Variants in ADORA2B observed in about 807,000 individuals in gnomAD.
The protein encoded by ADORA2B is adenosine A2b receptor, also known as adenosine receptor A2b.
In ADORA2B, 18 loss-of-function variants were observed where a neutral mutation model predicts 20.8. The ratio of observed to expected loss-of-function variants is 0.87; its 90% CI spans 0.60 to 1.29. The LOEUF (loss-of-function observed/expected upper bound fraction) is 1.29. Ranked by LOEUF, ADORA2B falls within the 50% of genes most tolerant of loss-of-function variation. The pLI is 0.00. For synonymous variants in ADORA2B, 179 were observed against 178.3 expected (o/e 1.00, Z -0.03); for missense variants, 441 against 422.7 (o/e 1.04, Z -0.38).
the ADORA2B span, among the ~76,000 whole-genome samples, chr17:15,898,326 C>T: frequency 6.6e-6 from 1 of 151,836 alleles, no homozygotes; most frequent in Non-Finnish European, 1.5e-5. Context: ...TGGCGTTTTG[C>T]TTTTCTGCCC....
At chr17:15,938,189 G>GAAGGAAGGAAGGAAGGAAGTTAGA in the ADORA2B span, among the ~76,000 whole-genome samples, 1 of 151,456 alleles carries the variant, frequency 6.6e-6, no homozygotes, top group Non-Finnish European at 1.5e-5. Flanking sequence ...AGAAAAAAAA[G>GAAGGAAGGAAGGAAGGAAGTTAGA]AAGGAAGGAA....
chr17:15,969,049 A>C (rs990392886), intron 1 of ADORA2B, among the ~76,000 whole-genome samples: 1 of 152,164 alleles, frequency 6.6e-6, no homozygotes, highest in Non-Finnish European at 1.5e-5. Context: ...CACTCCCTGC[A>C]CTGGCGCTGT....
the ADORA2B span, among the ~76,000 whole-genome samples, chr17:15,911,379 A>G: frequency 6.6e-6 from 1 of 152,166 alleles, no homozygotes; most frequent in South Asian, 2.1e-4. Flanking sequence ...AAATTACTCC[A>G]GGGGTTTATG....
the ADORA2B span, among the ~76,000 whole-genome samples, chr17:15,918,153 C>T: frequency 1.4e-3 from 212 of 152,334 alleles, no homozygotes; most frequent in African/African-American, 5.0e-3. Flanking sequence ...TGTGTCCTCA[C>T]TTGGACAGAG....
chr17:15,888,848 ATATTTTTTTTTTTTTTTTT>A, the ADORA2B span, among the ~76,000 whole-genome samples: 1 of 12,652 alleles, frequency 7.9e-5, no homozygotes, highest in African/African-American at 6.6e-4. Flanking sequence ...ATATATATAT[ATATTTTTTTTTTTTTTTTT>A]TTTTTTTTTT....
chr17:15,943,079 G>A (rs1969758509), upstream of ADORA2B, among the ~76,000 whole-genome samples: 1 of 152,222 alleles, frequency 6.6e-6, no homozygotes, highest in African/African-American at 2.4e-5. Flanking sequence ...TGGTGGAGCA[G>A]GTGATTCCAG....
At chr17:15,895,588 C>A in the ADORA2B span, among the ~76,000 whole-genome samples, 1 of 152,158 alleles carries the variant, frequency 6.6e-6, no homozygotes, top group Non-Finnish European at 1.5e-5. Flanking sequence ...TGTTCTGTAT[C>A]TGCGCTGCCT....
the ADORA2B span, among the ~76,000 whole-genome samples, chr17:15,896,892 A>G: frequency 1.3e-5 from 2 of 152,214 alleles, no homozygotes; most frequent in African/African-American, 2.4e-5. Context: ...ACTCTGTTAC[A>G]TGGTCCCAGG....
In ADORA2B at chr17:15,956,163, G is replaced by C. The variant is rs1969963540; in HGVS notation, c.335+10580G>C. 3.9e-5 allele frequency among the ~76,000 whole-genome samples: 6 copies of C among 152,110 alleles called. No individual in the cohort carries two copies. The South Asian group carries it at 1.2e-3, about 31-fold the overall frequency. Reference sequence around the variant, plus strand: ...TTCAATACAATTTTAGCATTCATATGTTTACTTTTGATGAAGACTAAGGGA... The same window carrying C: ...TTCAATACAATTTTAGCATTCATATCTTTACTTTTGATGAAGACTAAGGGA... On this transcript the variant is annotated intron_variant, in intron 1 of 1. Transcript: ENST00000304222.
chr17:15,966,973 A>G (rs1567783007), intron 1 of ADORA2B, among the ~76,000 whole-genome samples: 1 of 152,228 alleles, frequency 6.6e-6, no homozygotes, highest in Non-Finnish European at 1.5e-5. Context: ...GACGTGGCCC[A>G]TGCCCTTCAG....
chr17:15,934,660 A>T, the ADORA2B span, among the ~76,000 whole-genome samples: 4 of 152,254 alleles, frequency 2.6e-5, no homozygotes, highest in Admixed American at 1.3e-4. Context: ...ATAATGATAT[A>T]AAAAAGCTTT....
the ADORA2B span, among the ~76,000 whole-genome samples, chr17:15,890,460 T>TTTTA: frequency 0.081 from 6,777 of 83,318 alleles, 1,445 homozygotes; most frequent in Middle Eastern, 0.16. Flanking sequence ...CATTCCTTTC[T>TTTTA]TTTATTTATT....
the ADORA2B span, among the ~76,000 whole-genome samples, chr17:15,896,807 A>G: frequency 6.6e-6 from 1 of 152,352 alleles, no homozygotes; most frequent in Non-Finnish European, 1.5e-5. Context: ...AAGAGATAGG[A>G]CAAGTCCCTC....
intron 1 of ADORA2B, among the ~76,000 whole-genome samples, chr17:15,970,747 TC>T (rs1228160920): frequency 6.6e-6 from 1 of 152,202 alleles, no homozygotes; most frequent in Non-Finnish European, 1.5e-5. Flanking sequence ...CTGTGATGGT[TC>T]TAGGGTTAGT....
the ADORA2B span, among the ~76,000 whole-genome samples, chr17:15,937,211 G>A: frequency 1.3e-5 from 2 of 152,208 alleles, no homozygotes; most frequent in Admixed American, 1.3e-4. Flanking sequence ...GTTTGTTGCT[G>A]TTGTTGCTGT....
chr17:15,964,016 G>C (rs940298389), intron 1 of ADORA2B, among the ~76,000 whole-genome samples: 1 of 152,134 alleles, frequency 6.6e-6, no homozygotes, highest in African/African-American at 2.4e-5. Flanking sequence ...GGGAAGACTC[G>C]GCCTGAAAGT....
the ADORA2B span, among the ~76,000 whole-genome samples, chr17:15,852,457 G>A: frequency 3.3e-5 from 5 of 151,846 alleles, no homozygotes; most frequent in Admixed American, 6.6e-5. Context: ...TCAACTTATA[G>A]CCACATTAAA....
the ADORA2B span, among the ~76,000 whole-genome samples, chr17:15,919,130 C>T: frequency 4.6e-5 from 7 of 152,210 alleles, no homozygotes; most frequent in African/African-American, 9.6e-5. Flanking sequence ...GTGACCTCCT[C>T]GTTGCCACCT....
intron 1 of ADORA2B, among the ~76,000 whole-genome samples, chr17:15,969,346 C>T (rs545084751): frequency 3.9e-5 from 6 of 151,980 alleles, no homozygotes; most frequent in Non-Finnish European, 5.9e-5. Flanking sequence ...CCCAGCTACT[C>T]GGGAGGCTGA....
Sources: gnomAD v4.1 joint callset for allele counts (sites outside exome capture counted in the v4.1 genomes callset) on GRCh38, gnomAD v4.1.1 for gene constraint, MANE v1.5 for transcripts, NCBI Gene and HGNC (gene_info 2026-07-23, HGNC 2026-07-21) for gene names.